TNPO2: variants seen among roughly 807,000 people sequenced by gnomAD.
The protein encoded by TNPO2 is transportin-2.
Under a neutral mutation model 111.1 loss-of-function variants are expected in TNPO2, and 16 were observed. That is an observed-to-expected ratio of 0.14 (90% CI 0.10 to 0.22). The LOEUF (loss-of-function observed/expected upper bound fraction) is 0.22. TNPO2 is among the 10% of genes least tolerant of loss of function. The pLI, the probability that TNPO2 is intolerant of heterozygous loss-of-function variation, is 1.00. For synonymous variants in TNPO2, 481 were observed against 475.8 expected, an observed-to-expected ratio of 1.01 and a Z score of -0.14; for missense variants, 530 against 1,173.7, an observed-to-expected ratio of 0.45 and a Z score of 8.01.
In TNPO2 at chr19:12,705,465, A is replaced by G; in HGVS notation, c.1863+27T>C. ...GCCCGAGGCAGGCCAATGCAGAAGC[A>G]CAGGTGACGGGCCTAGGGTTGCTCA... On this transcript the variant is annotated intron_variant, in intron 17 of 25. Coordinates refer to ENST00000425528, the MANE Select transcript of TNPO2 (RefSeq NM_001382241.1). The surrounding 1 kb of genome is among the most constrained non-coding windows in gnomAD (Gnocchi z 7.2). 2 of 1,579,590 alleles carry G rather than the reference A, an allele frequency of 1.3e-6. No individual in the cohort carries two copies. Among genetic ancestry groups the G allele is most frequent in the Non-Finnish European group, 1.7e-6 (2 of 1,162,858 alleles).
At chr19:12,710,522 T>C in intron 13 of TNPO2, 99 bp downstream of exon 13, 4 of 1,375,060 alleles carry the variant, frequency 2.9e-6, no homozygotes, top group Non-Finnish European at 3.9e-6. Flanking sequence ...GTGGGGTGAG[T>C]AGGCCTCCAG....
intron 10 of TNPO2, among the ~76,000 whole-genome samples, chr19:12,714,534 G>C (rs188116776): frequency 6.6e-6 from 1 of 151,916 alleles, no homozygotes; most frequent in Non-Finnish European, 1.5e-5. Flanking sequence ...GGCTGGTCTC[G>C]ATCTTCTGAC....
intron 18 of TNPO2, 27 bp from the exon 19 acceptor site, chr19:12,703,828 G>A (rs1325049017): frequency 2.6e-6 from 4 of 1,549,348 alleles, no homozygotes; most frequent in Non-Finnish European, 3.5e-6. Context: ...GATCAGTGTG[G>A]CTAGGCTCCC....
Position 12,701,970 on chromosome 19 carries a change from G to T in TNPO2, c.2411+102C>A. Reference sequence around the variant, plus strand: ...CATGCATCTGTGGGGGTGGGGCAGGGCAGGGAGTCAGTAGGCAGATGGGGC... The same window carrying T: ...CATGCATCTGTGGGGGTGGGGCAGGTCAGGGAGTCAGTAGGCAGATGGGGC... On this transcript the variant is annotated intron_variant, in intron 22 of 25. Coordinates refer to ENST00000425528, the MANE Select transcript of TNPO2 (RefSeq NM_001382241.1). The surrounding 1 kb of genome is among the most constrained non-coding windows in gnomAD (Gnocchi z 5.0). 7.1e-7 allele frequency: 1 copy of T among 1,412,604 alleles called. No homozygotes were observed. Among genetic ancestry groups the T allele is most frequent in the Non-Finnish European group, 1.0e-6 (1 of 999,576 alleles). The allele number at this position is 1,412,604 out of a possible 1,614,324, so 87.5% of individuals were successfully genotyped here.
chr19:12,703,510 A>C lies in TNPO2; in HGVS notation c.2127T>G (p.Ile709Met), dbSNP rs1256316255. 6.2e-7 allele frequency: 1 copy of C among 1,614,008 alleles called. No individual in the cohort carries two copies. Among genetic ancestry groups the C allele is most frequent in the East Asian group, 2.2e-5 (1 of 44,886 alleles). The change falls in exon 20 of 26, where the codon ATT (isoleucine) becomes ATG (methionine). Residue 709 changes from isoleucine to methionine, a missense_variant. Physicochemically the swap from Ile to Met is conservative, Grantham distance 10 (BLOSUM62 1). Coordinates refer to ENST00000425528, the MANE Select transcript of TNPO2 (RefSeq NM_001382241.1). Reference sequence around the variant, plus strand: ...ACTCTGGGTTCAGGTTGGTGCCCAGAATGGGCATGAACTCGGCTGGTGGGG... The same window carrying C: ...ACTCTGGGTTCAGGTTGGTGCCCAGCATGGGCATGAACTCGGCTGGTGGGG... ...VKPCIAEFMP[I>M]LGTNLNPEFI...
chr19:12,719,954 CTTT>C lies in TNPO2; in HGVS notation c.100-621_100-619del, dbSNP rs780055881. On this transcript the variant is annotated intron_variant, in intron 3 of 25. Coordinates refer to ENST00000425528, the MANE Select transcript of TNPO2 (RefSeq NM_001382241.1). This position sits in a 1 kb window ranked among gnomAD's most constrained non-coding sequence, Gnocchi z 5.0. ...GATCCCCACTAACAGGCCATGAAGA[CTTT>C]TTTTTTTTTTTTAAAAGAGGGAATC... Among the ~76,000 whole-genome samples, 1 of 141,440 alleles carries C rather than the reference CTTT, an allele frequency of 7.1e-6. No individual in the cohort carries two copies. Among genetic ancestry groups the C allele is most frequent in the African/African-American group, 2.6e-5 (1 of 38,488 alleles). The allele number at this position is 141,440 out of a possible 152,430, so 92.8% of individuals were successfully genotyped here. A position where few individuals can be genotyped will look rare whatever the true frequency, so the allele number is the denominator to read the frequency against.
chr19:12,707,479 CTTTTTTTT>C lies in TNPO2; in HGVS notation c.1271-692_1271-685del, dbSNP rs56817777. 5.3e-3 allele frequency among the ~76,000 whole-genome samples: 399 copies of C among 75,008 alleles called. 2 individuals carry two copies. Among genetic ancestry groups the C allele is most frequent in the Middle Eastern group, 0.011 (1 of 94 alleles). 49.2% of individuals were successfully genotyped at this position (75,008 alleles called of 152,430 possible). Reference sequence around the variant, plus strand: ...AGTTCTTAAGATGTTTGTGAGTTTTCTTTTTTTTTTTTTTTTTTTTTTTTTTTTGAGAT... The same window carrying C: ...AGTTCTTAAGATGTTTGTGAGTTTTCTTTTTTTTTTTTTTTTTTTTGAGAT... On this transcript the variant is annotated intron_variant, in intron 13 of 25. Coordinates refer to ENST00000425528, the MANE Select transcript of TNPO2 (RefSeq NM_001382241.1).
chr19:12,703,853 G>A (rs2025472216), intron 18 of TNPO2, 52 bp from the exon 19 acceptor site: 2 of 1,477,368 alleles, frequency 1.4e-6, no homozygotes, highest in African/African-American at 2.8e-5. Context: ...TTCTAACCAG[G>A]ACAGCTCAGG....
rs1296526916 is a variant in TNPO2 at position 12,723,905 on chromosome 19, A to G, written c.-267T>C. The stretch of plus-strand genomic sequence containing the variant: ...AAGACACCCTAAAGGAGCAGTTGGG[A>G]TTCCGAGGTAGCCAGTTCCGCTGGA... On this transcript the variant is annotated 5_prime_UTR_variant, in exon 1 of 26. Coordinates refer to ENST00000425528, the MANE Select transcript of TNPO2 (RefSeq NM_001382241.1). 1.3e-5 allele frequency: 2 copies of G among 152,234 alleles called. No homozygotes were observed. The highest frequency in any genetic ancestry group is 4.8e-5 in the African/African-American group (2 of 41,458). The allele number at this position is 152,234 out of a possible 1,614,324, so 9.4% of individuals were successfully genotyped here.
Position 12,702,591 on chromosome 19 carries a change from C to T in TNPO2, c.2305+232G>A, listed in dbSNP as rs988190858. The stretch of plus-strand genomic sequence containing the variant: ...CCATGTTGGCCAGGCTGGTCTCGAA[C>T]TCCTGACTTCAGGTGATCTGCCTCC... On this transcript the variant is annotated intron_variant, in intron 21 of 25. Transcript: ENST00000425528. The surrounding 1 kb of genome is among the most constrained non-coding windows in gnomAD (Gnocchi z 5.5). Among the ~76,000 whole-genome samples the T allele has an allele frequency of 2.0e-5, 3 of 152,078 alleles. No homozygotes were observed. Among genetic ancestry groups the T allele is most frequent in the African/African-American group, 4.8e-5 (2 of 41,410 alleles).
chr19:12,721,162 C>G lies in TNPO2; in HGVS notation c.-13-172G>C. 2 of 1,413,692 alleles carry G rather than the reference C, an allele frequency of 1.4e-6. No individual in the cohort carries two copies. Among genetic ancestry groups the G allele is most frequent in the Non-Finnish European group, 1.8e-6 (2 of 1,091,872 alleles). The allele number at this position is 1,413,692 out of a possible 1,614,324, so 87.6% of individuals were successfully genotyped here. On this transcript the variant is annotated intron_variant, in intron 2 of 25. Transcript: ENST00000425528. This position sits in a 1 kb window ranked among gnomAD's most constrained non-coding sequence, Gnocchi z 4.9. ...GCGGGGTCCCCGCCAGCTGCGCCATCCTCGGCCGCGCAGTCGCGGGCTCGG... is the reference window on the plus strand; with the variant it reads ...GCGGGGTCCCCGCCAGCTGCGCCATGCTCGGCCGCGCAGTCGCGGGCTCGG...
chr19:12,711,699 T>G (rs2026059017), intron 10 of TNPO2, 86 bp from the exon 11 acceptor site: 7 of 1,191,996 alleles, frequency 5.9e-6, no homozygotes, highest in Admixed American at 2.0e-5. Context: ...GGCAAACAGG[T>G]GCCAACAGAG....
Position 12,707,158 on chromosome 19 carries a change from C to T in TNPO2, c.1271-363G>A, listed in dbSNP as rs138293788. On this transcript the variant is annotated intron_variant, in intron 13 of 25. Transcript: ENST00000425528. ...GATTACAGGCCTCTGCCACAATGCC[C>T]GGGGAATTTTTTATATTTTCAGTAG... 1.3e-3 allele frequency among the ~76,000 whole-genome samples: 205 copies of T among 152,150 alleles called. 1 individual carries two copies. The highest frequency in any genetic ancestry group is 4.7e-3 in the African/African-American group (194 of 41,498).
intron 13 of TNPO2, among the ~76,000 whole-genome samples, chr19:12,707,469 T>C (rs956307527): frequency 6.6e-6 from 1 of 150,540 alleles, no homozygotes; most frequent in African/African-American, 2.5e-5. Flanking sequence ...TTAAGATGTT[T>C]GTGAGTTTTC....
chr19:12,720,802 C>T (rs1203366662), intron 3 of TNPO2, 77 bp downstream of exon 3: 4 of 1,469,130 alleles, frequency 2.7e-6, no homozygotes, highest in Non-Finnish European at 3.6e-6. Context: ...GAGTCAGTCC[C>T]TCTCTTTCTC....
rs1424112657 is a variant in TNPO2, at chr19:12,702,139, T to C, written c.2344A>G (p.Ile782Val). Residue 782 changes from isoleucine (I) to valine (V), a missense_variant, in exon 22 of 26, where the codon ATC (isoleucine) becomes GTC (valine). Ile to Val is a conservative substitution (Grantham distance 29). Around this residue, in one of 4 missense-constraint regions of TNPO2, gnomAD observed 183 missense variants for 481.0 expected, o/e 0.38. Transcript: ENST00000425528. This position sits in a 1 kb window ranked among gnomAD's most constrained non-coding sequence, Gnocchi z 5.5. Reference protein sequence around the residue: ...TSPSAIPAITIGRLGYVCPQE... With the variant: ...TSPSAIPAITVGRLGYVCPQE... ...GGGCACACGTAGCCCAAGCGGCCGA[T>C]GGTGATGGCTGGAATGGCAGAGGGA... 2.5e-6 allele frequency: 4 copies of C among 1,613,272 alleles called. No homozygotes were observed. Among genetic ancestry groups the C allele is most frequent in the Non-Finnish European group, 3.4e-6 (4 of 1,179,772 alleles).
rs1370608077 is a variant in TNPO2, at chr19:12,721,113, C to A, written c.-13-123G>T. Reference sequence around the variant, plus strand: ...AACGCCCTCGGCGGACAGGCGGAGGCCTCCGATCCACGCCCGCCCAAGTGC... The same window carrying A: ...AACGCCCTCGGCGGACAGGCGGAGGACTCCGATCCACGCCCGCCCAAGTGC... On this transcript the variant is annotated intron_variant, in intron 2 of 25. Coordinates refer to ENST00000425528, the MANE Select transcript of TNPO2 (RefSeq NM_001382241.1). This position sits in a 1 kb window ranked among gnomAD's most constrained non-coding sequence, Gnocchi z 4.9. The A allele has an allele frequency of 1.3e-6, 2 of 1,518,356 alleles. No homozygotes were observed. Among genetic ancestry groups the A allele is most frequent in the Non-Finnish European group, 1.8e-6 (2 of 1,139,466 alleles). 94.1% of individuals were successfully genotyped at this position (1,518,356 alleles called of 1,614,324 possible).
rs2025365607 is a variant in TNPO2 at position 12,702,328 on chromosome 19, A to C, written c.2306-151T>G. The C allele has an allele frequency of 2.9e-6, 2 of 696,284 alleles. No individual in the cohort carries two copies. Among genetic ancestry groups the C allele is most frequent in the African/African-American group, 3.5e-5 (2 of 56,406 alleles). The allele number at this position is 696,284 out of a possible 1,614,324, so 43.1% of individuals were successfully genotyped here. On this transcript the variant is annotated intron_variant, in intron 21 of 25. Transcript: ENST00000425528. The surrounding 1 kb of genome is among the most constrained non-coding windows in gnomAD (Gnocchi z 5.5). ...CCAGGGGTCCTCCTCATCACACCTG[A>C]GTCACTTCCCAGGTCTCTCTGCATC...
chr19:12,715,274 G>A lies in TNPO2; in HGVS notation c.617C>T (p.Ala206Val). The change falls in exon 8 of 26, where the codon GCG (alanine) becomes GTG (valine). Residue 206 changes from alanine (A) to valine (V), a missense_variant. This residue lies in a region of TNPO2 where 156 missense variants were observed against 405.8 expected (regional missense o/e 0.38). Coordinates refer to ENST00000425528, the MANE Select transcript of TNPO2 (RefSeq NM_001382241.1). This position sits in a 1 kb window ranked among gnomAD's most constrained non-coding sequence, Gnocchi z 7.1. Reference protein sequence around the residue: ...VNQFIMDRAQALMDNIDTFIE... With the variant: ...VNQFIMDRAQVLMDNIDTFIE... ...GAAGGTGTCAATATTGTCCATCAGC[G>A]CCTGGGCCCGGTCCATGATGAACTG... 6.2e-7 allele frequency: 1 copy of A among 1,613,520 alleles called. No homozygotes were observed. Among genetic ancestry groups the A allele is most frequent in the South Asian group, 1.1e-5 (1 of 91,028 alleles).
Sources: gnomAD v4.1 joint callset for allele counts (sites outside exome capture counted in the v4.1 genomes callset) on GRCh38, gnomAD v4.1.1 for gene constraint, gnomAD v4.1.1 regional missense constraint, Gnocchi (gnomAD v3.1) non-coding constraint, MANE v1.5 for transcripts, NCBI Gene and HGNC (gene_info 2026-07-23, HGNC 2026-07-21) for gene names.